OSCP1: variants seen among roughly 807,000 people sequenced by gnomAD.
OSCP1 encodes the protein protein OSCP1.
In OSCP1, 35 loss-of-function variants were observed where a neutral mutation model predicts 45.1. The ratio of observed to expected loss-of-function variants is 0.78; its 90% CI spans 0.59 to 1.03. The LOEUF is 1.03. Among genes scored for constraint, OSCP1 ranks in the 50% least tolerant of loss-of-function variants. The probability of loss-of-function intolerance (pLI) is 0.00; values close to 1 mark genes in which losing one functional copy is unlikely to be tolerated. For missense variants in OSCP1, 400 were observed against 470.7 expected, an observed-to-expected ratio of 0.85 and a Z score of 1.39; for synonymous variants, 179 against 180.1, an observed-to-expected ratio of 0.99 and a Z score of 0.05.
chr1:36,422,214 C>T lies in OSCP1; in HGVS notation c.755G>A (p.Ser252Asn). 6.2e-7 allele frequency: 1 copy of T among 1,614,126 alleles called. No individual in the cohort carries two copies. Among genetic ancestry groups the T allele is most frequent in the Non-Finnish European group, 8.5e-7 (1 of 1,179,942 alleles). Residue 252 changes from serine to asparagine, a missense_variant, in exon 7 of 10, where the codon AGC becomes AAC. Physicochemically the swap from Ser to Asn is conservative, Grantham distance 46. Coordinates refer to ENST00000235532, the MANE Select transcript of OSCP1 (RefSeq NM_145047.5). ...RVLKLGTNMYSVNQPVETHVS... is the reference protein window; with the variant it reads ...RVLKLGTNMYNVNQPVETHVS... ...ATGAGTTTCCACAGGCTGATTCACG[C>T]TGTACCTGGTGTGTCAACAGAAAAT...
chr1:36,448,584 T>C (rs149637960), intron 1 of OSCP1, among the ~76,000 whole-genome samples: 377 of 152,056 alleles, frequency 2.5e-3, no homozygotes, highest in African/African-American at 8.8e-3. Context: ...AGGCATGGGG[T>C]GCTATGGGAG....
intron 1 of OSCP1, among the ~76,000 whole-genome samples, chr1:36,449,503 T>C (rs1274926088): frequency 2.0e-5 from 3 of 152,136 alleles, no homozygotes; most frequent in Non-Finnish European, 2.9e-5. Flanking sequence ...AAGACCAATC[T>C]CCAGCTTATG....
intron 8 of OSCP1, 60 bp from the exon 9 acceptor site, chr1:36,419,114 C>A: frequency 6.8e-7 from 1 of 1,460,338 alleles, no homozygotes; most frequent in Non-Finnish European, 9.6e-7. Context: ...GCCAGCATGG[C>A]AAACTGGCTC....
At chr1:36,438,448 C>T (rs1363773922) in intron 2 of OSCP1, among the ~76,000 whole-genome samples, 13 of 151,940 alleles carry the variant, frequency 8.6e-5, no homozygotes, top group Non-Finnish European at 1.8e-4. Context: ...TATGATTGTA[C>T]CACTGCACTC....
intron 1 of OSCP1, among the ~76,000 whole-genome samples, chr1:36,449,962 G>A (rs1649795210): frequency 6.7e-6 from 1 of 149,444 alleles, no homozygotes; most frequent in Non-Finnish European, 1.5e-5. Flanking sequence ...CATTTGGAAG[G>A]CACTGATTGA....
Position 36,422,700 on chromosome 1 carries a change from T to C in OSCP1, c.749+68A>G, listed in dbSNP as rs1403405607. Reference sequence around the variant, plus strand: ...TTCATAGCAGAAGTCTGGCTGTTTCTCTTTTTTTTTTTTTAAATGAAGTGA... The same window carrying C: ...TTCATAGCAGAAGTCTGGCTGTTTCCCTTTTTTTTTTTTTAAATGAAGTGA... On this transcript the variant is annotated intron_variant, in intron 6 of 9. Transcript: ENST00000235532. 4.8e-6 allele frequency: 6 copies of C among 1,251,592 alleles called. No homozygotes were observed. The East Asian group carries it at 1.5e-4, about 32-fold the overall frequency. 77.5% of individuals were successfully genotyped at this position (1,251,592 alleles called of 1,614,324 possible). A position where few individuals can be genotyped will look rare whatever the true frequency, so the allele number is the denominator to read the frequency against.
In OSCP1 at chr1:36,417,970, G is replaced by A; in HGVS notation, c.*169C>T. 1.8e-6 allele frequency: 1 copy of A among 556,020 alleles called. No individual in the cohort carries two copies. The highest frequency in any genetic ancestry group is 3.2e-6 in the Non-Finnish European group (1 of 314,196). The allele number at this position is 556,020 out of a possible 1,614,324, so 34.4% of individuals were successfully genotyped here. On this transcript the variant is annotated 3_prime_UTR_variant, in exon 10 of 10. Transcript: ENST00000235532. Reference sequence around the variant, plus strand: ...TGTATGTGTGTGCCTTCAAGAGTGAGTGCTCCTCAAGGGAGACTCACACAG... The same window carrying A: ...TGTATGTGTGTGCCTTCAAGAGTGAATGCTCCTCAAGGGAGACTCACACAG...
Position 36,422,191 on chromosome 1 carries a change from G to T in OSCP1, c.778C>A (p.His260Asn). 6.2e-7 allele frequency: 1 copy of T among 1,614,202 alleles called. No homozygotes were observed. Among genetic ancestry groups the T allele is most frequent in the East Asian group, 2.2e-5 (1 of 44,890 alleles). The change falls in exon 7 of 10, where the codon CAT (histidine) becomes AAT (asparagine). Residue 260 changes from histidine (H) to asparagine (N), a missense_variant. Physicochemically the swap from His to Asn is moderately conservative, Grantham distance 68 (BLOSUM62 1). Coordinates refer to ENST00000235532, the MANE Select transcript of OSCP1 (RefSeq NM_145047.5). ...AAGTTCTTTGATGATCCAGACACAT[G>T]AGTTTCCACAGGCTGATTCACGCTG... ...MYSVNQPVET[H>N]VSGSSKNLAS...
chr1:36,433,358 A>G (rs1648503729), intron 2 of OSCP1, among the ~76,000 whole-genome samples: 1 of 152,202 alleles, frequency 6.6e-6, no homozygotes, highest in Non-Finnish European at 1.5e-5. Flanking sequence ...GGAGGCAGCA[A>G]TGAGTATGTT....
At chr1:36,418,540 A>G in intron 9 of OSCP1, 1 of 466,906 alleles carries the variant, frequency 2.1e-6, no homozygotes, top group Non-Finnish European at 3.9e-6. Flanking sequence ...GAATGACAAT[A>G]CAGCACTTAA....
chr1:36,422,001 G>A (rs1647644748), intron 7 of OSCP1, 149 bp downstream of exon 7: 3 of 720,740 alleles, frequency 4.2e-6, no homozygotes, highest in East Asian at 5.2e-5. Context: ...ATTAAAACCT[G>A]TGTACTCGTA....
chr1:36,449,354 T>C (rs1649735196), intron 1 of OSCP1, among the ~76,000 whole-genome samples: 1 of 152,190 alleles, frequency 6.6e-6, no homozygotes, highest in Admixed American at 6.5e-5. Context: ...TTTTGCATTT[T>C]CGAAGCTCTC....
intron 4 of OSCP1, among the ~76,000 whole-genome samples, chr1:36,427,419 TC>T (rs2124782211): frequency 6.6e-6 from 1 of 150,934 alleles, no homozygotes; most frequent in East Asian, 2.0e-4. Context: ...GGCCTTGGCC[TC>T]CCAAAGTGCT....
intron 1 of OSCP1, among the ~76,000 whole-genome samples, chr1:36,445,721 T>G (rs1649480063): frequency 1.3e-5 from 2 of 152,154 alleles, no homozygotes; most frequent in East Asian, 3.8e-4. Flanking sequence ...ATTTATTTAT[T>G]TATTTATTTT....
At position 36,418,972 on chromosome 1, in the gene OSCP1, T is replaced by C. The variant is rs1381475654; in HGVS notation, c.1023+19A>G. 1 of 1,575,114 alleles carries C rather than the reference T, an allele frequency of 6.3e-7. No homozygotes were observed. The highest frequency in any genetic ancestry group is 1.1e-5 in the South Asian group (1 of 90,164). ...AGGAAGCGAATACGATTGGACCCTG[T>C]GTTATCCCCTGTACGTACCTGGGTG... On this transcript the variant is annotated intron_variant, in intron 9 of 9. Transcript: ENST00000235532.
intron 4 of OSCP1, chr1:36,428,119 G>A: frequency 3.0e-6 from 1 of 329,792 alleles, no homozygotes; most frequent in Non-Finnish European, 4.3e-6. Context: ...GAACCAGGGA[G>A]GTGGAGGTTG....
intron 4 of OSCP1, among the ~76,000 whole-genome samples, chr1:36,429,288 G>A (rs1293099156): frequency 6.6e-6 from 1 of 151,900 alleles, no homozygotes; most frequent in Non-Finnish European, 1.5e-5. Context: ...TCGAGAGGCT[G>A]AGGTGGAAGG....
Position 36,444,056 on chromosome 1 carries a change from A to C in OSCP1, c.113-5146T>G, listed in dbSNP as rs780138728. On this transcript the variant is annotated intron_variant, in intron 1 of 9. Coordinates refer to ENST00000235532, the MANE Select transcript of OSCP1 (RefSeq NM_145047.5). ...CATCTACATGAAGCATACAAAAAGA[A>C]AACACCAGTTCATGAAGCAAGAACA... The C allele has an allele frequency of 8.1e-6, 13 of 1,609,086 alleles. No homozygotes were observed. The South Asian group carries it at 1.4e-4, about 18-fold the overall frequency.
At chr1:36,446,229 G>C (rs959758954) in intron 1 of OSCP1, among the ~76,000 whole-genome samples, 11 of 152,022 alleles carry the variant, frequency 7.2e-5, no homozygotes, top group African/African-American at 2.7e-4. Context: ...CACCATGTTG[G>C]CCAGGCTGGT....
Sources: gnomAD v4.1 joint callset for allele counts (sites outside exome capture counted in the v4.1 genomes callset) on GRCh38, gnomAD v4.1.1 for gene constraint, MANE v1.5 for transcripts, NCBI Gene and HGNC (gene_info 2026-07-23, HGNC 2026-07-21) for gene names.